The following LCP2 variants were observed in gnomAD, a reference collection of about 807,000 sequenced individuals.
The protein encoded by LCP2 is lymphocyte cytosolic protein 2, also known as 76 kDa tyrosine phosphoprotein.
In LCP2, 29 loss-of-function variants were observed where a neutral mutation model predicts 74.5. The observed-to-expected ratio is 0.39, with a 90% CI of 0.29 to 0.53. LCP2 has a LOEUF of 0.53. Ranked by LOEUF, LCP2 falls within the 20% of genes least tolerant of loss-of-function variation. The pLI is 0.72. For synonymous variants in LCP2, 228 were observed against 229.5 expected (o/e 0.99, Z 0.06); for missense variants, 604 against 634.6 (o/e 0.95, Z 0.52).
At chr5:170,263,179 G>A (rs896463131) in intron 10 of LCP2, among the ~76,000 whole-genome samples, 187 bp from the exon 11 acceptor site, 1 of 152,214 alleles carries the variant, frequency 6.6e-6, no homozygotes, top group Non-Finnish European at 1.5e-5. Context: ...TAAGCTCAGA[G>A]AAATTAAATG....
At chr5:170,288,677 T>C (rs1762226179) in intron 2 of LCP2, among the ~76,000 whole-genome samples, 2 of 152,192 alleles carry the variant, frequency 1.3e-5, no homozygotes, top group South Asian at 4.1e-4. Context: ...AGCATTCCCA[T>C]TTTGAAAGAG....
At chr5:170,289,690 TTTC>T (rs1373800900) in intron 2 of LCP2, among the ~76,000 whole-genome samples, 1 of 143,330 alleles carries the variant, frequency 7.0e-6, no homozygotes, top group Non-Finnish European at 1.5e-5. Context: ...TCTCTCTTTC[TTTC>T]TTTCTTTCCT....
intron 7 of LCP2, among the ~76,000 whole-genome samples, chr5:170,269,778 T>G (rs1761861524): frequency 6.6e-6 from 1 of 152,150 alleles, no homozygotes; most frequent in Non-Finnish European, 1.5e-5. Context: ...TCTTATTCAC[T>G]CTGTATCTTA....
chr5:170,279,147 A>G (rs547356629), intron 3 of LCP2, among the ~76,000 whole-genome samples: 1 of 152,310 alleles, frequency 6.6e-6, no homozygotes, highest in East Asian at 1.9e-4. Context: ...CTGGGCAGCC[A>G]TAGACAGCAG....
At chr5:170,274,893 C>T (rs990730608) in intron 5 of LCP2, among the ~76,000 whole-genome samples, 7 of 150,524 alleles carry the variant, frequency 4.7e-5, no homozygotes, top group South Asian at 2.1e-4. Context: ...AGGAGAATGG[C>T]GTGAACCCGG....
Position 170,252,519 on chromosome 5 carries a change from T to C in LCP2, c.1246-8A>G. On this transcript the variant is annotated splice_polypyrimidine_tract_variant and splice_region_variant and intron_variant, in intron 18 of 20. Coordinates refer to ENST00000046794, the MANE Select transcript of LCP2 (RefSeq NM_005565.5). ...CTCTTCATTTAATGAATTCTGAAAATGTAAATTTTTAGAAACTGAATAAAT... is the reference window on the plus strand; with the variant it reads ...CTCTTCATTTAATGAATTCTGAAAACGTAAATTTTTAGAAACTGAATAAAT... 1 of 1,455,610 alleles carries C rather than the reference T, an allele frequency of 6.9e-7. No homozygotes were observed. 90.2% of individuals were successfully genotyped at this position (1,455,610 alleles called of 1,614,324 possible).
chr5:170,257,491 C>A (rs953513215), intron 16 of LCP2, among the ~76,000 whole-genome samples: 5 of 152,048 alleles, frequency 3.3e-5, no homozygotes, highest in East Asian at 1.9e-4. Context: ...TGGGGGACAC[C>A]ACAGGCTGCC....
In LCP2 at chr5:170,266,868, T is replaced by C. The variant is rs527880662; in HGVS notation, c.712A>G (p.Ser238Gly). The part of the protein sequence containing the change: ...AKLPAPSIDR[S>G]TKPPLDRSLA... ...GAACGATCTAGGGGAGGTTTCGTGC[T>C]TCTGTCTATTGAAGGAGCAGGGACT... Residue 238 changes from serine (S) to glycine (G), a missense_variant, in exon 10 of 21, where the codon AGC becomes GGC. Physicochemically the swap from Ser to Gly is moderately conservative, Grantham distance 56. Transcript: ENST00000046794. The C allele has an allele frequency of 1.3e-4, 208 of 1,614,004 alleles. No homozygotes were observed. In the South Asian group the frequency reaches 2.1e-3, roughly 16 times the overall value.
rs1761466735 is a variant in LCP2 at position 170,252,465 on chromosome 5, T to C, written c.1292A>G (p.Glu431Gly). 6.3e-7 allele frequency: 1 copy of C among 1,589,684 alleles called. No individual in the cohort carries two copies. Among genetic ancestry groups the C allele is most frequent in the Non-Finnish European group, 8.6e-7 (1 of 1,161,070 alleles). ...EWYVSYITRP[E>G]AEAALRKINQ... ...TATCTTTCTAAGAGCAGCTTCTGCCTCTGGTCGGGTAATATAAGAAACGTA... is the reference window on the plus strand; with the variant it reads ...TATCTTTCTAAGAGCAGCTTCTGCCCCTGGTCGGGTAATATAAGAAACGTA... The change falls in exon 19 of 21, where the codon GAG becomes GGG. Residue 431 changes from glutamate (E) to glycine (G), a missense_variant. Coordinates refer to ENST00000046794, the MANE Select transcript of LCP2 (RefSeq NM_005565.5).
At chr5:170,282,820 T>C (rs546436474) in intron 3 of LCP2, among the ~76,000 whole-genome samples, 1 of 152,186 alleles carries the variant, frequency 6.6e-6, no homozygotes, top group Admixed American at 6.5e-5. Context: ...AATGGAAGGA[T>C]TGGGTCTCAA....
At chr5:170,280,124 C>T (rs958392828) in intron 3 of LCP2, among the ~76,000 whole-genome samples, 3 of 152,060 alleles carry the variant, frequency 2.0e-5, no homozygotes, top group African/African-American at 4.8e-5. Flanking sequence ...TGATGTAGAG[C>T]GCATTCTTGC....
rs1311034707 is a variant in LCP2 at position 170,285,991 on chromosome 5, TCAC to T, written c.188+1976_188+1978del. On this transcript the variant is annotated intron_variant, in intron 3 of 20. Coordinates refer to ENST00000046794, the MANE Select transcript of LCP2 (RefSeq NM_005565.5). Reference sequence around the variant, plus strand: ...TCAAAGCAGCAAGCAACCATAGGCTTCACCGCCTTTGTTTTCCATCCCTCGGTG... The same window carrying T: ...TCAAAGCAGCAAGCAACCATAGGCTTCGCCTTTGTTTTCCATCCCTCGGTG... 3.3e-5 allele frequency among the ~76,000 whole-genome samples: 5 copies of T among 152,238 alleles called. No homozygotes were observed. In the East Asian group the frequency reaches 9.6e-4, roughly 29 times the overall value.
chr5:170,285,807 C>G (rs1185686789), intron 3 of LCP2, among the ~76,000 whole-genome samples: 1 of 152,170 alleles, frequency 6.6e-6, no homozygotes, highest in African/African-American at 2.4e-5. Flanking sequence ...AGGGGCCCCT[C>G]TGAAGCTCTC....
rs996209242 is a variant in LCP2 at position 170,256,467 on chromosome 5, G to A, written c.1150+59C>T. The A allele has an allele frequency of 2.3e-6, 3 of 1,325,082 alleles. No homozygotes were observed. Among genetic ancestry groups the A allele is most frequent in the Admixed American group, 1.7e-5 (1 of 59,604 alleles). The allele number at this position is 1,325,082 out of a possible 1,614,324, so 82.1% of individuals were successfully genotyped here. On this transcript the variant is annotated intron_variant, in intron 17 of 20. Coordinates refer to ENST00000046794, the MANE Select transcript of LCP2 (RefSeq NM_005565.5). This position sits in a 1 kb window ranked among gnomAD's most constrained non-coding sequence, Gnocchi z 4.5. ...TGTCGAAAGCTTTTGGGACAGGTTA[G>A]GGATCCAGTCATAAAGGCTTGATGG...
chr5:170,251,844 G>A (rs1267176921), intron 19 of LCP2: 1 of 318,842 alleles, frequency 3.1e-6, no homozygotes, highest in African/African-American at 2.1e-5. Context: ...TGATCTAAAT[G>A]TGCAACTACT....
chr5:170,258,238 C>T (rs1316119001), intron 15 of LCP2, 72 bp from the exon 16 acceptor site: 17 of 1,521,002 alleles, frequency 1.1e-5, no homozygotes, highest in Non-Finnish European at 1.2e-5. Flanking sequence ...TCCATAACCG[C>T]CCCCCAGTTA....
chr5:170,284,341 T>C (rs1762149726), intron 3 of LCP2, among the ~76,000 whole-genome samples: 1 of 152,230 alleles, frequency 6.6e-6, no homozygotes, highest in African/African-American at 2.4e-5. Context: ...TCTTCATTTT[T>C]GAAAGATATT....
rs975920737 is a variant in LCP2, at chr5:170,247,332, T to C, written c.*1365A>G. 6.6e-6 allele frequency: 1 copy of C among 152,230 alleles called. No homozygotes were observed. The highest frequency in any genetic ancestry group is 2.4e-5 in the African/African-American group (1 of 41,456). 9.4% of individuals were successfully genotyped at this position (152,230 alleles called of 1,614,324 possible). A position where few individuals can be genotyped will look rare whatever the true frequency, so the allele number is the denominator to read the frequency against. ...CACCATTTTTATCATCAGTTAAAAGTCTCTACCTTCTGCATACTCCTTATT... is the reference window on the plus strand; with the variant it reads ...CACCATTTTTATCATCAGTTAAAAGCCTCTACCTTCTGCATACTCCTTATT... On this transcript the variant is annotated 3_prime_UTR_variant, in exon 21 of 21. Coordinates refer to ENST00000046794, the MANE Select transcript of LCP2 (RefSeq NM_005565.5).
At chr5:170,297,279 G>T (rs1762406711) in intron 1 of LCP2, among the ~76,000 whole-genome samples, 1 of 152,172 alleles carries the variant, frequency 6.6e-6, no homozygotes, top group African/African-American at 2.4e-5. Flanking sequence ...GTGCCTGTGA[G>T]ACACCGAATT....
Sources: allele counts gnomAD v4.1 joint callset (sites outside exome capture counted in the v4.1 genomes callset), GRCh38; gene constraint gnomAD v4.1.1; non-coding constraint Gnocchi (gnomAD v3.1); transcripts MANE v1.5; gene names NCBI Gene and HGNC (gene_info 2026-07-23, HGNC 2026-07-21).